Variants in ZKSCAN7 observed in about 807,000 individuals in gnomAD.
ZKSCAN7 encodes the protein zinc finger with KRAB and SCAN domains 7.
A neutral mutation model predicts 65.3 loss-of-function variants in ZKSCAN7; 38 were observed. That is an observed-to-expected ratio of 0.58 (90% CI 0.45 to 0.76). ZKSCAN7 has a LOEUF of 0.76. Among genes scored for constraint, ZKSCAN7 ranks in the 30% least tolerant of loss-of-function variants. ZKSCAN7 has a pLI of 0.00. For missense variants in ZKSCAN7, 815 were observed against 913.3 expected (o/e 0.89, Z 1.39); for synonymous variants, 321 against 321.0 (o/e 1.00, Z 0.00).
At position 44,557,037 on chromosome 3, in the gene ZKSCAN7, T is replaced by C; in HGVS notation, c.-11T>C. ...AACTGCAGCTGTAACAAGCTTCTCT[T>C]TGGGGTCACAATGACCACTGCAGGC... On this transcript the variant is annotated 5_prime_UTR_variant, in exon 2 of 6. Coordinates refer to ENST00000426540, the MANE Select transcript of ZKSCAN7 (RefSeq NM_001288590.2). The C allele has an allele frequency of 1.2e-6, 2 of 1,614,064 alleles. No individual in the cohort carries two copies. Among genetic ancestry groups the C allele is most frequent in the Non-Finnish European group, 1.7e-6 (2 of 1,180,010 alleles).
At chr3:44,579,377 T>C (rs1700007200) in intron 5 of ZKSCAN7, among the ~76,000 whole-genome samples, 1 of 152,194 alleles carries the variant, frequency 6.6e-6, no homozygotes, top group South Asian at 2.1e-4. Context: ...ATTCAGGGCC[T>C]GCTGGATGGG....
intron 5 of ZKSCAN7, among the ~76,000 whole-genome samples, chr3:44,578,665 G>A (rs754405851): frequency 1.3e-5 from 2 of 152,168 alleles, no homozygotes; most frequent in Non-Finnish European, 2.9e-5. Context: ...GGGACCGCTG[G>A]CTCTTCTCCA....
Position 44,565,477 on chromosome 3 carries a change from C to G in ZKSCAN7, c.424-10C>G. ...CTCTTTTGAACCCAATTGTATTTCCCTCTCTCTAGGTTTCAGCCCCAGCAC... is the reference window on the plus strand; with the variant it reads ...CTCTTTTGAACCCAATTGTATTTCCGTCTCTCTAGGTTTCAGCCCCAGCAC... On this transcript the variant is annotated splice_polypyrimidine_tract_variant and intron_variant, in intron 2 of 5. Transcript: ENST00000426540. The G allele has an allele frequency of 6.3e-7, 1 of 1,593,916 alleles. No homozygotes were observed. Among genetic ancestry groups the G allele is most frequent in the Non-Finnish European group, 8.5e-7 (1 of 1,170,374 alleles).
At chr3:44,582,183 A>T (rs1700101096) in intron 5 of ZKSCAN7, among the ~76,000 whole-genome samples, 1 of 152,206 alleles carries the variant, frequency 6.6e-6, no homozygotes, top group Non-Finnish European at 1.5e-5. Context: ...CCAGGATAGG[A>T]CATTTTAGAT....
chr3:44,560,285 TG>T (rs1377177566), intron 2 of ZKSCAN7, among the ~76,000 whole-genome samples: 27 of 152,110 alleles, frequency 1.8e-4, no homozygotes, highest in Non-Finnish European at 2.9e-5. Context: ...GTTTACAGAA[TG>T]GCTAAATGAA....
intron 5 of ZKSCAN7, among the ~76,000 whole-genome samples, chr3:44,578,959 G>A (rs538840595): frequency 6.6e-6 from 1 of 152,212 alleles, no homozygotes; most frequent in Non-Finnish European, 1.5e-5. Context: ...GCTCCAGAAG[G>A]TCTGAGGCCT....
intron 3 of ZKSCAN7, among the ~76,000 whole-genome samples, chr3:44,565,971 C>T (rs1175396561): frequency 6.6e-6 from 1 of 152,146 alleles, no homozygotes; most frequent in African/African-American, 2.4e-5. Context: ...GAAGAGGCAA[C>T]CTCATAAGAT....
In ZKSCAN7 at chr3:44,567,974, G is replaced by A; in HGVS notation, c.655G>A (p.Ala219Thr). The change falls in exon 4 of 6, where the codon GCA (alanine) becomes ACA (threonine). Residue 219 changes from alanine (A) to threonine (T), a missense_variant. Ala to Thr is a moderately conservative substitution (Grantham distance 58). Coordinates refer to ENST00000426540, the MANE Select transcript of ZKSCAN7 (RefSeq NM_001288590.2). The stretch of plus-strand genomic sequence containing the variant: ...GGGGAACTCAGGAGACCAAGCAGGG[G>A]CAACTGTACTTCGGATGGTCAGGCC... Reference protein sequence around the residue: ...QVGNSGDQAGATVLRMVRPQD... With the variant: ...QVGNSGDQAGTTVLRMVRPQD... 7.0e-7 allele frequency: 1 copy of A among 1,435,400 alleles called. No homozygotes were observed. Among genetic ancestry groups the A allele is most frequent in the Non-Finnish European group, 9.5e-7 (1 of 1,052,436 alleles). The allele number at this position is 1,435,400 out of a possible 1,614,324, so 88.9% of individuals were successfully genotyped here.
chr3:44,570,159 CAAA>C lies in ZKSCAN7; in HGVS notation c.1051_1053del (p.Lys351del). On this transcript the variant is annotated inframe_deletion, in exon 6 of 6. Transcript: ENST00000426540. Reference sequence around the variant, plus strand: ...ACAGATGAAGATAAGAAAAAATCCACAAAAGACAGATATGACAAATATAAGGAA... The same window carrying C: ...ACAGATGAAGATAAGAAAAAATCCACAGACAGATATGACAAATATAAGGAA... 1 of 1,614,144 alleles carries C rather than the reference CAAA, an allele frequency of 6.2e-7. No individual in the cohort carries two copies. The highest frequency in any genetic ancestry group is 8.5e-7 in the Non-Finnish European group (1 of 1,180,016).
At chr3:44,579,900 C>G in intron 5 of ZKSCAN7, 2 of 1,607,568 alleles carry the variant, frequency 1.2e-6, no homozygotes, top group Non-Finnish European at 1.7e-6. Context: ...ACGGAGGGCT[C>G]TGTGGACCTC....
intron 1 of ZKSCAN7, among the ~76,000 whole-genome samples, 171 bp from the exon 2 acceptor site, chr3:44,556,759 G>A (rs1388807407): frequency 6.6e-6 from 1 of 152,204 alleles, no homozygotes; most frequent in Non-Finnish European, 1.5e-5. Context: ...TATCCTGTAG[G>A]TAATGGGAGC....
chr3:44,556,363 G>A (rs1180823638), intron 1 of ZKSCAN7, among the ~76,000 whole-genome samples: 2 of 152,194 alleles, frequency 1.3e-5, no homozygotes, highest in African/African-American at 2.4e-5. Flanking sequence ...TTTGCCAAAA[G>A]TTGAAGAAGA....
intron 3 of ZKSCAN7, among the ~76,000 whole-genome samples, chr3:44,566,159 G>A (rs1699626317): frequency 6.6e-6 from 1 of 152,132 alleles, no homozygotes; most frequent in Admixed American, 6.5e-5. Context: ...GAATTTTGAA[G>A]GGGAGAAAAA....
intron 5 of ZKSCAN7, among the ~76,000 whole-genome samples, chr3:44,581,340 G>A (rs925438335): frequency 6.6e-6 from 1 of 151,218 alleles, no homozygotes; most frequent in Non-Finnish European, 1.5e-5. Flanking sequence ...CGGCTCGTCC[G>A]CGCCGCCACA....
Position 44,567,947 on chromosome 3 carries a change from G to A in ZKSCAN7, c.628G>A (p.Val210Met), listed in dbSNP as rs1699682514. ...CTSPVPTLPQ[V>M]GNSGDQAGAT... ...TTCTCCAGTTCCTACCCTTCCTCAA[G>A]TGGGGAACTCAGGAGACCAAGCAGG... The change falls in exon 4 of 6, where the codon GTG becomes ATG. Residue 210 changes from valine to methionine, a missense_variant. Transcript: ENST00000426540. 1.6e-6 allele frequency: 2 copies of A among 1,288,736 alleles called. No homozygotes were observed. Among genetic ancestry groups the A allele is most frequent in the Admixed American group, 4.2e-5 (2 of 47,186 alleles). 79.8% of individuals were successfully genotyped at this position (1,288,736 alleles called of 1,614,324 possible).
chr3:44,577,422 A>G, intron 5 of ZKSCAN7, among the ~76,000 whole-genome samples: 1 of 152,172 alleles, frequency 6.6e-6, no homozygotes, highest in South Asian at 2.1e-4. Flanking sequence ...CCAGGCTGGA[A>G]GGCAGTGCAC....
At position 44,570,673 on chromosome 3, in the gene ZKSCAN7, A is replaced by G. The variant is rs2125724768; in HGVS notation, c.1563A>G (p.Lys521=). The part of the protein sequence containing the change: ...ARHQVLHTGK[K]PYKCNECGRA... ...ATCAGGTCCTGCACACTGGTAAGAA[A>G]CCTTACAAATGCAATGAGTGTGGGA... Residue 521 remains lysine (K), a synonymous_variant, in exon 6 of 6, where the codon AAA becomes AAG. Transcript: ENST00000426540. 1.9e-6 allele frequency: 3 copies of G among 1,614,032 alleles called. No homozygotes were observed. In the East Asian group the frequency reaches 6.7e-5, roughly 36 times the overall value.
intron 2 of ZKSCAN7, among the ~76,000 whole-genome samples, chr3:44,563,213 T>C (rs1012517044): frequency 1.3e-4 from 20 of 152,180 alleles, no homozygotes; most frequent in South Asian, 2.1e-4. Flanking sequence ...ATTCAACAAG[T>C]GTCTAGGAAG....
At chr3:44,558,833 G>A (rs1699379557) in intron 2 of ZKSCAN7, among the ~76,000 whole-genome samples, 1 of 118,150 alleles carries the variant, frequency 8.5e-6, no homozygotes, top group South Asian at 2.8e-4. Flanking sequence ...AGGCCAGAAT[G>A]CAGTGGCATG....
Sources: allele counts gnomAD v4.1 joint callset (sites outside exome capture counted in the v4.1 genomes callset), GRCh38; gene constraint gnomAD v4.1.1; transcripts MANE v1.5; gene names NCBI Gene and HGNC (gene_info 2026-07-23, HGNC 2026-07-21).